Variants in EIF2D observed in about 807,000 individuals in gnomAD.
EIF2D encodes the protein hepatocellular carcinoma-associated antigen 56.
In EIF2D, 56 loss-of-function variants were observed where a neutral mutation model predicts 77.4. The observed-to-expected ratio is 0.72, with a 90% confidence interval of 0.58 to 0.90. The LOEUF is 0.90. Ranked by LOEUF, EIF2D falls within the 40% of genes least tolerant of loss-of-function variation. EIF2D has a pLI of 0.00. For synonymous variants in EIF2D, 230 were observed against 271.0 expected (o/e 0.85, Z 1.49); for missense variants, 574 against 706.5 (o/e 0.81, Z 2.13).
At chr1:206,595,985 G>A in intron 12 of EIF2D, 147 bp from the exon 13 acceptor site, 1 of 1,135,134 alleles carries the variant, frequency 8.8e-7, no homozygotes, top group South Asian at 1.5e-5. Flanking sequence ...TCCCTAGGGA[G>A]CTACAGCCCA....
chr1:206,583,046 G>C, intron 2 of EIF2D: 1 of 489,010 alleles, frequency 2.0e-6, no homozygotes, highest in Non-Finnish European at 3.8e-6. Flanking sequence ...AGGAGACTGA[G>C]GCTTAGAGAA....
chr1:206,597,529 G>C (rs1252531267), intron 11 of EIF2D, among the ~76,000 whole-genome samples: 1 of 152,202 alleles, frequency 6.6e-6, no homozygotes, highest in African/African-American at 2.4e-5. Context: ...TTAAAATGAA[G>C]GTGTTGGCCA....
intron 2 of EIF2D, among the ~76,000 whole-genome samples, chr1:206,609,788 G>A (rs1358758929): frequency 1.3e-5 from 2 of 152,178 alleles, no homozygotes; most frequent in Admixed American, 1.3e-4. Context: ...GAAGCCAGCT[G>A]TATAAAATTT....
chr1:206,586,235 G>A (rs1347342456), intron 2 of EIF2D: 1 of 153,762 alleles, frequency 6.5e-6, no homozygotes, highest in African/African-American at 2.4e-5. Flanking sequence ...CACAGGGCTT[G>A]TGCTCTTGGG....
intron 2 of EIF2D, among the ~76,000 whole-genome samples, chr1:206,609,830 CCT>C (rs1280629192): frequency 3.3e-5 from 5 of 152,128 alleles, no homozygotes; most frequent in African/African-American, 1.2e-4. Flanking sequence ...ATTTTTATCC[CCT>C]CTGTTTCCAT....
chr1:206,582,232 G>A (rs1414232777), intron 2 of EIF2D, among the ~76,000 whole-genome samples: 1 of 152,176 alleles, frequency 6.6e-6, no homozygotes, highest in Non-Finnish European at 1.5e-5. Flanking sequence ...CCCCTGTATT[G>A]TCTCTACAAG....
Position 206,608,632 on chromosome 1 carries a change from T to C in EIF2D, c.332-306A>G, listed in dbSNP as rs562856848. On this transcript the variant is annotated intron_variant, in intron 3 of 14. Transcript: ENST00000271764. The stretch of plus-strand genomic sequence containing the variant: ...GTGCCTTATGCCTGTGGCTTACGCT[T>C]TTTATGACCCCTTCACCCATCCAAT... Among the ~76,000 whole-genome samples, 4 of 152,348 alleles carry C rather than the reference T, an allele frequency of 2.6e-5. No individual in the cohort carries two copies. The South Asian group carries it at 8.3e-4, about 32-fold the overall frequency.
In EIF2D at chr1:206,584,713, C is replaced by G. The variant is rs1324671745; in HGVS notation, c.139-3551G>C. 2 of 1,612,360 alleles carry G rather than the reference C, an allele frequency of 1.2e-6. No homozygotes were observed. Among genetic ancestry groups the G allele is most frequent in the African/African-American group, 1.3e-5 (1 of 74,820 alleles). ...GGAGAAAGAGTGAACCCAACCAGACCGTTCCCTTCCTACCTGTGTCCAAGC... is the reference window on the plus strand; with the variant it reads ...GGAGAAAGAGTGAACCCAACCAGACGGTTCCCTTCCTACCTGTGTCCAAGC... On this transcript the variant is annotated intron_variant and NMD_transcript_variant, in intron 2 of 5. Coordinates refer to the EIF2D transcript ENST00000472709. This position sits in a 1 kb window ranked among gnomAD's most constrained non-coding sequence, Gnocchi z 4.9.
intron 7 of EIF2D, 156 bp from the exon 8 acceptor site, chr1:206,600,464 G>A: frequency 1.5e-6 from 1 of 648,868 alleles, no homozygotes; most frequent in Non-Finnish European, 2.7e-6. Context: ...ACAGCAGAGA[G>A]GGATGCAGAC....
downstream of EIF2D, chr1:206,589,222 GTCTT>G (rs1271881348): frequency 1.3e-5 from 2 of 152,594 alleles, no homozygotes; most frequent in African/African-American, 4.8e-5. Context: ...CTTTTTAAAT[GTCTT>G]TCTTATATGG....
chr1:206,602,846 T>C (rs6668054), intron 6 of EIF2D, 105 bp downstream of exon 6: 284,222 of 1,476,362 alleles, frequency 0.19, 28,192 homozygotes, highest in East Asian at 0.28. Flanking sequence ...CTTCCCCTCC[T>C]CCCCCGGAAG....
intron 6 of EIF2D, 66 bp from the exon 7 acceptor site, chr1:206,602,519 A>AC (rs1485171422): frequency 6.5e-5 from 91 of 1,407,230 alleles, no homozygotes; most frequent in Middle Eastern, 1.8e-4. Context: ...CAAGAAAACG[A>AC]CCCCCAGCTT....
intron 7 of EIF2D, chr1:206,600,531 T>C: frequency 8.2e-6 from 4 of 488,568 alleles, no homozygotes; most frequent in Middle Eastern, 5.3e-4. Flanking sequence ...CGTGGAATGT[T>C]CTCTGTGTTG....
At chr1:206,574,262 C>T (rs782556647) in intron 4 of EIF2D, among the ~76,000 whole-genome samples, 34 of 152,174 alleles carry the variant, frequency 2.2e-4, no homozygotes, top group Admixed American at 5.2e-4. Flanking sequence ...CTGCTTGAGG[C>T]TTTTTGTCCC....
downstream of EIF2D, chr1:206,586,844 C>A: frequency 6.2e-7 from 1 of 1,613,876 alleles, no homozygotes; most frequent in South Asian, 1.1e-5. Context: ...CTTCTCCATC[C>A]CTGAACTTCA....
intron 4 of EIF2D, among the ~76,000 whole-genome samples, chr1:206,577,529 AT>A (rs1467249488): frequency 6.6e-6 from 1 of 152,190 alleles, no homozygotes; most frequent in Non-Finnish European, 1.5e-5. Context: ...AGGCTTAGAG[AT>A]TATCTGACTT....
intron 4 of EIF2D, among the ~76,000 whole-genome samples, chr1:206,576,748 C>G (rs1299301812): frequency 6.6e-6 from 1 of 152,172 alleles, no homozygotes; most frequent in Non-Finnish European, 1.5e-5. Context: ...GCAGGAGACT[C>G]TGCACAAACA....
intron 2 of EIF2D, among the ~76,000 whole-genome samples, chr1:206,610,327 C>T (rs1167532290): frequency 1.3e-5 from 2 of 152,072 alleles, no homozygotes; most frequent in South Asian, 2.1e-4. Context: ...AAGACCAGCC[C>T]GAGCAACATA....
At chr1:206,590,411 G>A (rs1203767254), downstream of EIF2D, among the ~76,000 whole-genome samples, 5 of 152,208 alleles carry the variant, frequency 3.3e-5, no homozygotes, top group African/African-American at 1.2e-4. Context: ...AATCAAGTTT[G>A]TGAAAGAACT....
Sources: allele counts gnomAD v4.1 joint callset (sites outside exome capture counted in the v4.1 genomes callset), GRCh38; gene constraint gnomAD v4.1.1; non-coding constraint Gnocchi (gnomAD v3.1); transcripts MANE v1.5; gene names NCBI Gene and HGNC (gene_info 2026-07-23, HGNC 2026-07-21).